WDFY4: variants seen among roughly 807,000 people sequenced by gnomAD.
The protein encoded by WDFY4 is WDFY family member 4.
WDFY4 carries 169 observed loss-of-function variants against 351.9 expected under a neutral mutation model. The ratio of observed to expected loss-of-function variants is 0.48; its 90% CI spans 0.42 to 0.55. The LOEUF is 0.55. Ranked by LOEUF, WDFY4 falls within the 20% of genes least tolerant of loss-of-function variation. The pLI is 0.00. For synonymous variants in WDFY4, 1,622 were observed against 1,574.6 expected, an observed-to-expected ratio of 1.03 and a Z score of -0.71; for missense variants, 3,803 against 3,935.6, an observed-to-expected ratio of 0.97 and a Z score of 0.90.
chr10:48,698,642 A>G (rs1262860737), intron 1 of WDFY4, among the ~76,000 whole-genome samples: 1 of 152,166 alleles, frequency 6.6e-6, no homozygotes, highest in Admixed American at 6.5e-5. Context: ...ACAACCCCAA[A>G]TATGGCTCCT....
At chr10:48,844,117 C>CTATT (rs2068698811) in intron 39 of WDFY4, among the ~76,000 whole-genome samples, 1 of 152,220 alleles carries the variant, frequency 6.6e-6, no homozygotes, top group African/African-American at 2.4e-5. Flanking sequence ...TGGGACCCAT[C>CTATT]TATTATGAGA....
intron 27 of WDFY4, 118 bp downstream of exon 27, chr10:48,806,213 CCGT>C (rs2067250567): frequency 2.0e-6 from 2 of 992,376 alleles, no homozygotes; most frequent in Non-Finnish European, 3.1e-6. Flanking sequence ...CACAGCCAAG[CCGT>C]GGTTTCCAAG....
At chr10:48,875,447 T>A (rs1460651863) in intron 42 of WDFY4, among the ~76,000 whole-genome samples, 2 of 152,246 alleles carry the variant, frequency 1.3e-5, no homozygotes, top group Non-Finnish European at 2.9e-5. Flanking sequence ...CAGGGTCTTG[T>A]GCTGTCACCT....
intron 39 of WDFY4, among the ~76,000 whole-genome samples, chr10:48,863,624 A>AT (rs973735332): frequency 9.3e-5 from 14 of 151,046 alleles, no homozygotes; most frequent in South Asian, 4.2e-4. Flanking sequence ...GTAATTTATA[A>AT]TTTTTTTTTC....
chr10:48,882,078 C>T (rs2070273586), intron 43 of WDFY4, among the ~76,000 whole-genome samples: 1 of 152,198 alleles, frequency 6.6e-6, no homozygotes, highest in Non-Finnish European at 1.5e-5. Context: ...GTGAGCTCAG[C>T]CTGACAGGGC....
intron 47 of WDFY4, among the ~76,000 whole-genome samples, chr10:48,916,647 T>C (rs1196196841): frequency 6.6e-6 from 1 of 152,304 alleles, no homozygotes; most frequent in East Asian, 1.9e-4. Flanking sequence ...GAGATGCTCC[T>C]GGGAGCCACA....
Position 48,980,602 on chromosome 10 carries a change from T to C in WDFY4, c.9377-765T>C, listed in dbSNP as rs559653926. Reference sequence around the variant, plus strand: ...TAAAAAGTGCTTGGGAGAAGCTTGTTGTTTAGACTTGTACACAATGTACAA... The same window carrying C: ...TAAAAAGTGCTTGGGAGAAGCTTGTCGTTTAGACTTGTACACAATGTACAA... On this transcript the variant is annotated intron_variant, in intron 60 of 61. Transcript: ENST00000325239. Among the ~76,000 whole-genome samples, 28 of 152,360 alleles carry C rather than the reference T, an allele frequency of 1.8e-4. No individual in the cohort carries two copies. In the South Asian group the frequency reaches 5.6e-3, roughly 30 times the overall value.
chr10:48,791,626 G>C (rs956306869), intron 23 of WDFY4, among the ~76,000 whole-genome samples: 8 of 152,204 alleles, frequency 5.3e-5, no homozygotes, highest in African/African-American at 1.9e-4. Context: ...AAAGTCAGAT[G>C]AGACATGGCC....
chr10:48,800,075 G>T (rs563383719), intron 24 of WDFY4, among the ~76,000 whole-genome samples: 2 of 152,072 alleles, frequency 1.3e-5, no homozygotes, highest in African/African-American at 4.8e-5. Flanking sequence ...TAGTAGAGAC[G>T]GGGTTTCACC....
chr10:48,859,308 C>A (rs772640798), intron 39 of WDFY4, among the ~76,000 whole-genome samples: 1 of 151,944 alleles, frequency 6.6e-6, no homozygotes, highest in African/African-American at 2.4e-5. Context: ...AATTTTAAAG[C>A]GAAAGTATTC....
chr10:48,704,595 G>A (rs2063572456), intron 1 of WDFY4, among the ~76,000 whole-genome samples: 1 of 152,186 alleles, frequency 6.6e-6, no homozygotes, highest in Admixed American at 6.5e-5. Context: ...CAGCCTGTGT[G>A]ACCGGGTATA....
At chr10:48,962,255 C>G (rs1221119415) in intron 53 of WDFY4, among the ~76,000 whole-genome samples, 1 of 152,204 alleles carries the variant, frequency 6.6e-6, no homozygotes, top group African/African-American at 2.4e-5. Flanking sequence ...TTCATTACCC[C>G]TCGTATGACA....
chr10:48,691,252 C>T (rs2063187111), intron 1 of WDFY4, among the ~76,000 whole-genome samples: 1 of 152,060 alleles, frequency 6.6e-6, no homozygotes, highest in Non-Finnish European at 1.5e-5. Flanking sequence ...CGGTGGTCAC[C>T]CTGACTTAGG....
intron 1 of WDFY4, among the ~76,000 whole-genome samples, chr10:48,701,335 C>G (rs900196951): frequency 2.0e-5 from 3 of 152,194 alleles, no homozygotes; most frequent in African/African-American, 7.2e-5. Context: ...TGGCTTGTCT[C>G]CACCCTCTGG....
chr10:48,817,905 C>T (rs2067677907), intron 32 of WDFY4, among the ~76,000 whole-genome samples: 1 of 152,216 alleles, frequency 6.6e-6, no homozygotes, highest in African/African-American at 2.4e-5. Flanking sequence ...AAGGGGAGGG[C>T]AGAGCCTGAT....
At chr10:48,931,687 G>C (rs1366323536) in intron 47 of WDFY4, among the ~76,000 whole-genome samples, 1 of 152,206 alleles carries the variant, frequency 6.6e-6, no homozygotes, top group South Asian at 2.1e-4. Context: ...TTGTCTTTCA[G>C]AAAATGCTGC....
At chr10:48,953,093 C>T (rs1175360957) in intron 51 of WDFY4, among the ~76,000 whole-genome samples, 1 of 152,152 alleles carries the variant, frequency 6.6e-6, no homozygotes, top group Non-Finnish European at 1.5e-5. Context: ...CCTCTCCTCA[C>T]TTCCCCCTGT....
At chr10:48,781,254 ATGTGTGTGTGTGTATATATATATATG>A (rs1565190550) in intron 19 of WDFY4, among the ~76,000 whole-genome samples, 1 of 146,644 alleles carries the variant, frequency 6.8e-6, no homozygotes, top group Non-Finnish European at 1.5e-5. Context: ...GTATATATAT[ATGTGTGTGTGTGTATATATATATATG>A]TGTGTGTGTG....
intron 23 of WDFY4, among the ~76,000 whole-genome samples, chr10:48,791,236 G>C (rs539841114): frequency 1.7e-4 from 26 of 152,376 alleles, no homozygotes; most frequent in African/African-American, 6.3e-4. Context: ...CCAGGCTGCA[G>C]AGCAGACTGC....
Sources: allele counts gnomAD v4.1 joint callset (sites outside exome capture counted in the v4.1 genomes callset), GRCh38; gene constraint gnomAD v4.1.1; transcripts MANE v1.5; gene names NCBI Gene and HGNC (gene_info 2026-07-23, HGNC 2026-07-21).